Variants in TRABD2A observed in about 807,000 individuals in gnomAD.
TRABD2A encodes TraB domain containing 2A, also known as metalloprotease TIKI1.
In TRABD2A, 43 loss-of-function variants were observed where a neutral mutation model predicts 45.6. That is an observed-to-expected ratio of 0.94 (90% confidence interval 0.74 to 1.22). The LOEUF is 1.22. Among genes scored for constraint, TRABD2A ranks in the 50% most tolerant of loss-of-function variants. The pLI, the probability that TRABD2A is intolerant of heterozygous loss-of-function variation, is 0.00. For missense variants in TRABD2A, 642 were observed against 652.4 expected, an observed-to-expected ratio of 0.98 and a Z score of 0.17; for synonymous variants, 269 against 265.0, an observed-to-expected ratio of 1.02 and a Z score of -0.15.
At chr2:84,853,017 A>G (rs1173380568) in intron 2 of TRABD2A, among the ~76,000 whole-genome samples, 2 of 152,060 alleles carry the variant, frequency 1.3e-5, no homozygotes, top group Admixed American at 1.3e-4. Context: ...CCCAAAAGAT[A>G]TGTTCATCCT....
At chr2:84,846,285 C>T (rs542948602) in intron 2 of TRABD2A, among the ~76,000 whole-genome samples, 18 of 152,310 alleles carry the variant, frequency 1.2e-4, no homozygotes, top group Non-Finnish European at 2.2e-4. Context: ...AATCACCACA[C>T]GCCTTTCCTT....
intron 5 of TRABD2A, among the ~76,000 whole-genome samples, chr2:84,826,170 T>A (rs749585353): frequency 6.6e-6 from 1 of 152,198 alleles, no homozygotes; most frequent in Non-Finnish European, 1.5e-5. Flanking sequence ...TTGCTTTGAT[T>A]TAGTGAGGAA....
rs1250947741 is a variant in TRABD2A, at chr2:84,824,177, C to T, written c.1110G>A (p.Arg370=). 1.9e-6 allele frequency: 3 copies of T among 1,613,774 alleles called. No homozygotes were observed. The highest frequency in any genetic ancestry group is 1.1e-5 in the South Asian group (1 of 91,064). Residue 370 remains arginine, a synonymous_variant, in exon 6 of 7, where the codon CGG becomes CGA. Coordinates refer to ENST00000409520, the MANE Select transcript of TRABD2A (RefSeq NM_001277053.2). ...GAGCAAAGATGGTGGACAGAGTGGGCCGTGTGGAGGTCTTTTTACTCTTCC... is the reference window on the plus strand; with the variant it reads ...GAGCAAAGATGGTGGACAGAGTGGGTCGTGTGGAGGTCTTTTTACTCTTCC... ...HKGKSKKTST[R]PTLSTIFAPK... is the part of the protein sequence containing the mutation.
At chr2:84,827,742 T>C (rs1231664564) in intron 5 of TRABD2A, among the ~76,000 whole-genome samples, 1 of 152,172 alleles carries the variant, frequency 6.6e-6, no homozygotes, top group Non-Finnish European at 1.5e-5. Context: ...ACACGGGCCC[T>C]TAAAAGCAGA....
chr2:84,831,954 G>A (rs1681352805), intron 5 of TRABD2A, 101 bp downstream of exon 5: 12 of 1,141,680 alleles, frequency 1.1e-5, no homozygotes, highest in Non-Finnish European at 2.6e-6. Context: ...GACGAGGCAG[G>A]GGTTCTCTGG....
At chr2:84,823,079 C>G (rs569373106) in intron 6 of TRABD2A, among the ~76,000 whole-genome samples, 1 of 152,258 alleles carries the variant, frequency 6.6e-6, no homozygotes. Context: ...TGAATCCCTG[C>G]GTCTACTGAT....
At chr2:84,825,956 T>G (rs942545289) in intron 5 of TRABD2A, among the ~76,000 whole-genome samples, 1 of 151,664 alleles carries the variant, frequency 6.6e-6, no homozygotes, top group Non-Finnish European at 1.5e-5. Flanking sequence ...CATCCCCCCC[T>G]CCCCGATCCA....
At chr2:84,824,411 A>G (rs1242795378) in intron 5 of TRABD2A, among the ~76,000 whole-genome samples, 1 of 151,642 alleles carries the variant, frequency 6.6e-6, no homozygotes, top group Non-Finnish European at 1.5e-5. Context: ...AGATATCCTC[A>G]CCCTACCTTC....
At chr2:84,858,322 G>T (rs11687882) in intron 2 of TRABD2A, among the ~76,000 whole-genome samples, 3,905 of 151,992 alleles carry the variant, frequency 0.026, 82 homozygotes, top group South Asian at 0.055. Flanking sequence ...AACCCAGCCT[G>T]CCACCCTGTG....
intron 2 of TRABD2A, among the ~76,000 whole-genome samples, chr2:84,848,784 G>C (rs1469392267): frequency 6.6e-6 from 1 of 151,952 alleles, no homozygotes. Flanking sequence ...ATATTAGCCA[G>C]GCTGGTCTTG....
intron 2 of TRABD2A, among the ~76,000 whole-genome samples, chr2:84,862,239 C>T (rs1047994664): frequency 6.6e-6 from 1 of 152,230 alleles, no homozygotes; most frequent in African/African-American, 2.4e-5. Flanking sequence ...GACTCTGCCT[C>T]AACTACCCCT....
At chr2:84,848,678 C>T (rs993525881) in intron 2 of TRABD2A, among the ~76,000 whole-genome samples, 2 of 151,726 alleles carry the variant, frequency 1.3e-5, no homozygotes, top group Non-Finnish European at 2.9e-5. Flanking sequence ...CAGATTCAAG[C>T]GATTCTTGTG....
At chr2:84,864,285 G>C (rs999030342) in intron 2 of TRABD2A, among the ~76,000 whole-genome samples, 1 of 152,168 alleles carries the variant, frequency 6.6e-6, no homozygotes, top group African/African-American at 2.4e-5. Context: ...TGAGTTAAAT[G>C]AGGATTGCCA....
At chr2:84,872,433 C>T (rs1682896741) in intron 1 of TRABD2A, among the ~76,000 whole-genome samples, 1 of 151,848 alleles carries the variant, frequency 6.6e-6, no homozygotes, top group African/African-American at 2.4e-5. Context: ...TGCTTGAGCC[C>T]ATCAGGTTGA....
intron 1 of TRABD2A, among the ~76,000 whole-genome samples, chr2:84,871,485 C>CTT (rs556910847): frequency 6.8e-5 from 10 of 146,340 alleles, no homozygotes; most frequent in Admixed American, 1.4e-4. Context: ...AGAAATGCTA[C>CTT]TTTTTTTTTT....
intron 2 of TRABD2A, among the ~76,000 whole-genome samples, chr2:84,869,934 G>A (rs991471856): frequency 2.8e-4 from 39 of 140,806 alleles, no homozygotes; most frequent in Non-Finnish European, 7.5e-5. Context: ...AACTGAGATC[G>A]CACCACTGCA....
chr2:84,839,433 G>C (rs1445255028), intron 3 of TRABD2A, 110 bp from the exon 4 acceptor site: 1 of 1,021,534 alleles, frequency 9.8e-7, no homozygotes, highest in African/African-American at 1.6e-5. Flanking sequence ...GTTGTCAAGA[G>C]AAGAGTGACA....
intron 4 of TRABD2A, 177 bp downstream of exon 4, chr2:84,838,972 T>C (rs1458213235): frequency 4.0e-5 from 26 of 646,740 alleles, no homozygotes; most frequent in Non-Finnish European, 6.3e-5. Flanking sequence ...TCAACCATGC[T>C]GGATGCTCCA....
chr2:84,822,362 T>C (rs1378421811), intron 6 of TRABD2A, among the ~76,000 whole-genome samples: 1 of 152,204 alleles, frequency 6.6e-6, no homozygotes, highest in Non-Finnish European at 1.5e-5. Flanking sequence ...ATTCAAAGAT[T>C]AGTGAAAGTC....
Sources: gnomAD v4.1 joint callset for allele counts (sites outside exome capture counted in the v4.1 genomes callset) on GRCh38, gnomAD v4.1.1 for gene constraint, MANE v1.5 for transcripts, NCBI Gene and HGNC (gene_info 2026-07-23, HGNC 2026-07-21) for gene names.